MAP2K6: variants seen among roughly 807,000 people sequenced by gnomAD.
The protein encoded by MAP2K6 is dual specificity mitogen-activated protein kinase kinase 6.
Under a neutral mutation model 53.7 loss-of-function variants are expected in MAP2K6, and 16 were observed. The ratio of observed to expected loss-of-function variants is 0.30; its 90% confidence interval spans 0.20 to 0.45. The LOEUF (loss-of-function observed/expected upper bound fraction) is 0.45, where lower values mean the gene tolerates loss of function less well. MAP2K6 is among the 20% of genes least tolerant of loss of function. The pLI, the probability that MAP2K6 is intolerant of heterozygous loss-of-function variation, is 1.00. For missense variants in MAP2K6, 204 were observed against 411.9 expected (o/e 0.50, Z 4.37); for synonymous variants, 132 against 143.1 (o/e 0.92, Z 0.55).
intron 1 of MAP2K6, among the ~76,000 whole-genome samples, chr17:69,472,414 G>A (rs950878524): frequency 1.3e-5 from 2 of 152,046 alleles, no homozygotes; most frequent in Admixed American, 6.6e-5. Context: ...AAACAAAATC[G>A]GTTCCCAACC....
chr17:69,504,110 G>A (rs1301105248), intron 1 of MAP2K6, among the ~76,000 whole-genome samples: 1 of 151,904 alleles, frequency 6.6e-6, no homozygotes, highest in Non-Finnish European at 1.5e-5. Flanking sequence ...TGTGGAGCAA[G>A]TCACTGAAGT....
In MAP2K6 at chr17:69,419,284, G is replaced by A. The variant is rs141872942; in HGVS notation, c.16+4284G>A. On this transcript the variant is annotated intron_variant, in intron 1 of 11. Transcript: ENST00000590474. ...ATTTGCCCAATTATTTCTTTAGGATGATTCCTAGAGGTGGAAGTCCTGGGT... is the reference window on the plus strand; with the variant it reads ...ATTTGCCCAATTATTTCTTTAGGATAATTCCTAGAGGTGGAAGTCCTGGGT... Among the ~76,000 whole-genome samples the A allele has an allele frequency of 7.2e-3, 1,100 of 152,234 alleles. 4 individuals carry two copies. The highest frequency in any genetic ancestry group is 0.014 in the South Asian group (68 of 4,818).
At chr17:69,476,643 A>G (rs1172890287) in intron 1 of MAP2K6, among the ~76,000 whole-genome samples, 1 of 152,236 alleles carries the variant, frequency 6.6e-6, no homozygotes, top group African/African-American at 2.4e-5. Context: ...CCCTAAAGGC[A>G]GAGAAAGCAA....
At chr17:69,505,950 C>T (rs1161506989) in intron 2 of MAP2K6, 104 bp downstream of exon 2, 3 of 935,538 alleles carry the variant, frequency 3.2e-6, no homozygotes, top group Non-Finnish European at 5.0e-6. Flanking sequence ...TTTAGAAGAG[C>T]CCTTTAAGGG....
In MAP2K6 at chr17:69,550,688, C is replaced by G. The variant is rs576953787; in HGVS notation, c.*8935C>G. ...TATTCAGTGGTGCCCCTGAGGGTCTCTTGTGAACAGAAGGGAAAAAGAGTG... is the reference window on the plus strand; with the variant it reads ...TATTCAGTGGTGCCCCTGAGGGTCTGTTGTGAACAGAAGGGAAAAAGAGTG... On this transcript the variant is annotated 3_prime_UTR_variant, in exon 12 of 12. Transcript: ENST00000590474. 1.3e-5 allele frequency: 2 copies of G among 152,254 alleles called. No homozygotes were observed. The highest frequency in any genetic ancestry group is 4.1e-4 in the South Asian group (2 of 4,822). 9.4% of individuals were successfully genotyped at this position (152,254 alleles called of 1,614,324 possible). A position where few individuals can be genotyped will look rare whatever the true frequency, so the allele number is the denominator to read the frequency against.
rs1268359550 is a variant in MAP2K6, at chr17:69,553,458, G to A, written c.*11705G>A. 1 of 152,204 alleles carries A rather than the reference G, an allele frequency of 6.6e-6. No individual in the cohort carries two copies. Among genetic ancestry groups the A allele is most frequent in the Non-Finnish European group, 1.5e-5 (1 of 68,050 alleles). The allele number at this position is 152,204 out of a possible 1,614,324, so 9.4% of individuals were successfully genotyped here. A position where few individuals can be genotyped will look rare whatever the true frequency, so the allele number is the denominator to read the frequency against. ...CACCTCAAAAAGAAAATGAAATTGG[G>A]AGATTAAATCAAGCTTGACCTCCTC... On this transcript the variant is annotated 3_prime_UTR_variant, in exon 12 of 12. Coordinates refer to ENST00000590474, the MANE Select transcript of MAP2K6 (RefSeq NM_002758.4).
intron 1 of MAP2K6, among the ~76,000 whole-genome samples, chr17:69,430,045 G>A (rs986576723): frequency 1.3e-5 from 2 of 152,296 alleles, no homozygotes; most frequent in South Asian, 4.2e-4. Flanking sequence ...TAATAAAATA[G>A]GCCGGGCACA....
intron 1 of MAP2K6, among the ~76,000 whole-genome samples, chr17:69,479,544 A>G (rs1908276535): frequency 6.6e-6 from 1 of 152,040 alleles, no homozygotes; most frequent in Non-Finnish European, 1.5e-5. Context: ...AAAATTCAAA[A>G]CACTTCTGGT....
intron 8 of MAP2K6, 81 bp downstream of exon 8, chr17:69,523,722 G>A: frequency 1.3e-6 from 2 of 1,561,840 alleles, no homozygotes; most frequent in Admixed American, 3.4e-5. Flanking sequence ...GATGGCCACA[G>A]AGGGAAAATG....
At chr17:69,437,333 A>G (rs1217880013) in intron 1 of MAP2K6, among the ~76,000 whole-genome samples, 5 of 152,328 alleles carry the variant, frequency 3.3e-5, no homozygotes, top group Admixed American at 3.3e-4. Context: ...CTAAGCGGAA[A>G]TGGATCATCA....
At chr17:69,499,524 G>A (rs1417150716) in intron 1 of MAP2K6, among the ~76,000 whole-genome samples, 1 of 152,192 alleles carries the variant, frequency 6.6e-6, no homozygotes, top group Admixed American at 6.5e-5. Flanking sequence ...TCTTATTGAT[G>A]CAGAGGTTTG....
At chr17:69,454,527 G>A (rs1377421842) in intron 1 of MAP2K6, among the ~76,000 whole-genome samples, 4 of 152,006 alleles carry the variant, frequency 2.6e-5, no homozygotes, top group African/African-American at 9.7e-5. Context: ...TGGGACTACA[G>A]GCACGCATCA....
intron 10 of MAP2K6, among the ~76,000 whole-genome samples, chr17:69,527,664 G>T (rs950859009): frequency 6.6e-6 from 1 of 152,142 alleles, no homozygotes; most frequent in Non-Finnish European, 1.5e-5. Context: ...AGGAGGAAGG[G>T]GGCTCGGAGA....
chr17:69,477,634 T>C (rs967366532), intron 1 of MAP2K6: 4 of 152,160 alleles, frequency 2.6e-5, no homozygotes, highest in Non-Finnish European at 5.9e-5. Flanking sequence ...AAGGGTCTAA[T>C]GAGGAAAATG....
At chr17:69,516,774 A>G (rs948052150) in intron 2 of MAP2K6, 81 bp from the exon 3 acceptor site, 11 of 955,268 alleles carry the variant, frequency 1.2e-5, no homozygotes, top group Admixed American at 4.5e-5. Context: ...AGGAAAAAAT[A>G]TCCTCAGTGG....
intron 5 of MAP2K6, chr17:69,519,921 A>G (rs765971665): frequency 8.4e-6 from 2 of 238,244 alleles, no homozygotes; most frequent in Non-Finnish European, 1.6e-5. Flanking sequence ...TGTGAGAGAT[A>G]CGACATGGAG....
At chr17:69,477,788 T>C (rs540642992) in intron 1 of MAP2K6, among the ~76,000 whole-genome samples, 1 of 152,280 alleles carries the variant, frequency 6.6e-6, no homozygotes, top group Non-Finnish European at 1.5e-5. Context: ...TTAGCAGATG[T>C]GACATCTGTT....
intron 10 of MAP2K6, 127 bp from the exon 11 acceptor site, chr17:69,535,988 T>C (rs1911336317): frequency 1.5e-6 from 1 of 653,938 alleles, no homozygotes; most frequent in Admixed American, 2.6e-5. Context: ...AAAGTCAAGA[T>C]AGGAGGCTGT....
intron 1 of MAP2K6, among the ~76,000 whole-genome samples, chr17:69,470,256 T>G (rs1420561073): frequency 6.6e-6 from 1 of 152,176 alleles, no homozygotes; most frequent in Non-Finnish European, 1.5e-5. Context: ...ACTCTTTAGA[T>G]AACTTGGATT....
Sources: gnomAD v4.1 joint callset for allele counts (sites outside exome capture counted in the v4.1 genomes callset) on GRCh38, gnomAD v4.1.1 for gene constraint, MANE v1.5 for transcripts, NCBI Gene and HGNC (gene_info 2026-07-23, HGNC 2026-07-21) for gene names.